Variants in RIOX2 observed in about 807,000 individuals in gnomAD.
The protein encoded by RIOX2 is ribosomal oxygenase 2.
RIOX2 carries 43 observed loss-of-function variants against 51.2 expected under a neutral mutation model. The observed-to-expected ratio is 0.84, with a 90% CI of 0.66 to 1.08. The LOEUF is 1.08. Ranked by LOEUF, RIOX2 falls within the 50% of genes least tolerant of loss-of-function variation. The probability of loss-of-function intolerance (pLI) is 0.00; values close to 1 mark genes in which losing one functional copy is unlikely to be tolerated. For missense variants in RIOX2, 566 were observed against 561.7 expected (o/e 1.01, Z -0.08); for synonymous variants, 226 against 218.5 (o/e 1.03, Z -0.30).
At chr3:97,950,967 T>G in intron 5 of RIOX2, 79 bp from the exon 6 acceptor site, 1 of 1,016,316 alleles carries the variant, frequency 9.8e-7, no homozygotes, top group Non-Finnish European at 1.5e-6. Context: ...TTATTGCTAG[T>G]AAAGCCAAAA....
At chr3:97,950,691 T>C (rs1313122731) in intron 6 of RIOX2, 95 bp downstream of exon 6, 1 of 931,488 alleles carries the variant, frequency 1.1e-6, no homozygotes, top group East Asian at 2.4e-5. Flanking sequence ...GCCTGGCTCA[T>C]GTTGGAAGAA....
At chr3:97,946,334 A>G (rs1402358489) in intron 8 of RIOX2, among the ~76,000 whole-genome samples, 1 of 151,968 alleles carries the variant, frequency 6.6e-6, no homozygotes, top group Non-Finnish European at 1.5e-5. Flanking sequence ...CTCCTGAGAA[A>G]TACCAGCTGT....
chr3:97,953,248 C>T (rs1037053043), intron 5 of RIOX2, among the ~76,000 whole-genome samples: 2 of 152,204 alleles, frequency 1.3e-5, no homozygotes, highest in Admixed American at 6.5e-5. Flanking sequence ...TAGAATTTAT[C>T]ACACCATCTC....
At chr3:97,950,277 G>A (rs1245494779) in intron 6 of RIOX2, among the ~76,000 whole-genome samples, 1 of 152,202 alleles carries the variant, frequency 6.6e-6, no homozygotes, top group African/African-American at 2.4e-5. Context: ...ATATGGTACA[G>A]TCTGAGCTCT....
intron 4 of RIOX2, among the ~76,000 whole-genome samples, chr3:97,957,629 G>C (rs779426383): frequency 6.6e-6 from 1 of 152,032 alleles, no homozygotes; most frequent in African/African-American, 2.4e-5. Flanking sequence ...AATGGGCATG[G>C]GCATGGCAAC....
chr3:97,967,086 C>G, intron 2 of RIOX2, 76 bp downstream of exon 2: 1 of 1,468,962 alleles, frequency 6.8e-7, no homozygotes, highest in Non-Finnish European at 9.3e-7. Flanking sequence ...ACTACGTATT[C>G]ACCCTTGAGC....
At chr3:97,964,696 TAA>T (rs1159985029) in intron 2 of RIOX2, among the ~76,000 whole-genome samples, 10 of 60,218 alleles carry the variant, frequency 1.7e-4, no homozygotes, top group African/African-American at 3.4e-4. Flanking sequence ...GACTCTGTCT[TAA>T]AAAAAAAAAA....
At chr3:97,950,996 G>T in intron 5 of RIOX2, 108 bp from the exon 6 acceptor site, 1 of 751,638 alleles carries the variant, frequency 1.3e-6, no homozygotes, top group Non-Finnish European at 2.2e-6. Context: ...TTGGATTATG[G>T]CTTCCCTGTC....
chr3:97,961,474 G>A (rs1009405019), intron 3 of RIOX2, 115 bp downstream of exon 3: 86 of 1,143,474 alleles, frequency 7.5e-5, no homozygotes, highest in South Asian at 4.2e-4. Context: ...CAGAAAGAGC[G>A]AATACAGACC....
intron 9 of RIOX2, 164 bp from the exon 10 acceptor site, chr3:97,945,506 T>C: frequency 1.5e-6 from 1 of 646,460 alleles, no homozygotes; most frequent in Non-Finnish European, 2.6e-6. Flanking sequence ...AACTTCTATA[T>C]AAAAGGCATC....
rs747793547 is a variant in RIOX2, at chr3:97,945,352, T to C, written c.1240-10A>G. The C allele has an allele frequency of 1.9e-6, 3 of 1,605,256 alleles. No individual in the cohort carries two copies. In the South Asian group the frequency reaches 3.4e-5, roughly 18 times the overall value. On this transcript the variant is annotated splice_polypyrimidine_tract_variant and intron_variant, in intron 9 of 9. Coordinates refer to ENST00000394198, the MANE Select transcript of RIOX2 (RefSeq NM_153182.4). ...AGCGAAGTCCATGAAACTGAAAGGA[T>C]AAATTTATTTGTCAAAATATATGTA...
chr3:97,956,615 C>T (rs1303548882), intron 4 of RIOX2, among the ~76,000 whole-genome samples: 2 of 151,962 alleles, frequency 1.3e-5, no homozygotes, highest in African/African-American at 4.8e-5. Context: ...CCTGCCTCAG[C>T]CTCCTGAGTA....
At chr3:97,950,082 A>C in intron 6 of RIOX2, 67 bp from the exon 7 acceptor site, 1 of 1,536,586 alleles carries the variant, frequency 6.5e-7, no homozygotes, top group East Asian at 2.3e-5. Context: ...CAGTCTCCAC[A>C]GTAGACTGCA....
chr3:97,948,635 T>C (rs903952345), intron 7 of RIOX2, among the ~76,000 whole-genome samples: 3 of 152,186 alleles, frequency 2.0e-5, no homozygotes, highest in Non-Finnish European at 4.4e-5. Context: ...CATACATTCC[T>C]CCTGCCTACC....
At chr3:97,954,629 A>G in intron 4 of RIOX2, 134 bp from the exon 5 acceptor site, 1 of 709,916 alleles carries the variant, frequency 1.4e-6, no homozygotes, top group Non-Finnish European at 2.5e-6. Flanking sequence ...GGCACAGTCT[A>G]TATGCTGGGC....
rs1236131386 is a variant in RIOX2 at position 97,942,159 on chromosome 3, T to C, written c.*3025A>G. The C allele has an allele frequency of 1.4e-6, 1 of 729,490 alleles. No homozygotes were observed. The highest frequency in any genetic ancestry group is 1.8e-5 in the African/African-American group (1 of 55,766). 45.2% of individuals were successfully genotyped at this position (729,490 alleles called of 1,614,324 possible). On this transcript the variant is annotated 3_prime_UTR_variant, in exon 10 of 10. Coordinates refer to ENST00000394198, the MANE Select transcript of RIOX2 (RefSeq NM_153182.4). Reference sequence around the variant, plus strand: ...CTTACTGAAATTATACTATATAGTATTTTTTTAGATAAGACACACACACAC... The same window carrying C: ...CTTACTGAAATTATACTATATAGTACTTTTTTAGATAAGACACACACACAC...
At position 97,967,026 on chromosome 3, in the gene RIOX2, C is replaced by G. The variant is rs574916755; in HGVS notation, c.432+136G>C. ...AATCCTAGTTAGAATGCATTTAGAC[C>G]AAAGAGGTGCTACCCCTTCTCAAAC... On this transcript the variant is annotated intron_variant, in intron 2 of 9. Transcript: ENST00000394198. 115 of 884,932 alleles carry G rather than the reference C, an allele frequency of 1.3e-4. 3 individuals carry two copies. In the South Asian group the frequency reaches 1.9e-3, roughly 14 times the overall value. 54.8% of individuals were successfully genotyped at this position (884,932 alleles called of 1,614,324 possible).
chr3:97,958,980 G>T (rs1705559118), intron 4 of RIOX2, 71 bp downstream of exon 4: 1 of 1,487,978 alleles, frequency 6.7e-7, no homozygotes, highest in South Asian at 1.4e-5. Flanking sequence ...CCTTGAGCCT[G>T]AACTTGTCTT....
rs75618806 is a variant in RIOX2, at chr3:97,960,387, G to C, written c.552+1202C>G. ...TATAATTTTAATAACTTTTCTCCAGGTTCCTTTACTGAAGAATAAAGTATA... is the reference window on the plus strand; with the variant it reads ...TATAATTTTAATAACTTTTCTCCAGCTTCCTTTACTGAAGAATAAAGTATA... On this transcript the variant is annotated intron_variant, in intron 3 of 9. Coordinates refer to ENST00000394198, the MANE Select transcript of RIOX2 (RefSeq NM_153182.4). 6.6e-4 allele frequency among the ~76,000 whole-genome samples: 100 copies of C among 152,208 alleles called. 1 individual carries two copies. In the East Asian group the frequency reaches 0.017, roughly 26 times the overall value.
Sources: gnomAD v4.1 joint callset for allele counts (sites outside exome capture counted in the v4.1 genomes callset) on GRCh38, gnomAD v4.1.1 for gene constraint, MANE v1.5 for transcripts, NCBI Gene and HGNC (gene_info 2026-07-23, HGNC 2026-07-21) for gene names.